FRMD4B: variants seen among roughly 807,000 people sequenced by gnomAD.
FRMD4B encodes the protein FERM domain containing 4B, also known as FERM domain-containing protein 4B.
A neutral mutation model predicts 141.5 loss-of-function variants in FRMD4B; 74 were observed. The observed-to-expected ratio is 0.52, with a 90% CI of 0.43 to 0.63. The LOEUF is 0.63. FRMD4B is among the 30% of genes least tolerant of loss of function. The probability of loss-of-function intolerance (pLI) is 0.00; values close to 1 mark genes in which losing one functional copy is unlikely to be tolerated. For missense variants in FRMD4B, 1,366 were observed against 1,253.4 expected, an observed-to-expected ratio of 1.09 and a Z score of -1.36; for synonymous variants, 506 against 467.9, an observed-to-expected ratio of 1.08 and a Z score of -1.05.
intron 1 of FRMD4B, among the ~76,000 whole-genome samples, chr3:69,381,803 T>C (rs1040299032): frequency 2.0e-5 from 3 of 152,238 alleles, no homozygotes; most frequent in Admixed American, 6.5e-5. Flanking sequence ...TTTGATATTC[T>C]AATGATGCAG....
chr3:69,377,500 G>A (rs550192048), intron 1 of FRMD4B, among the ~76,000 whole-genome samples: 5 of 152,202 alleles, frequency 3.3e-5, no homozygotes, highest in Non-Finnish European at 7.3e-5. Context: ...GGAGGCACCC[G>A]TAGAAGGTGC....
chr3:69,277,443 G>C, intron 5 of FRMD4B, among the ~76,000 whole-genome samples: 1 of 150,044 alleles, frequency 6.7e-6, no homozygotes, highest in East Asian at 2.0e-4. Context: ...GGAGGCTTAT[G>C]GTCATCTTTT....
At chr3:69,505,412 G>C (rs1246249311) in intron 1 of FRMD4B, among the ~76,000 whole-genome samples, 1 of 151,838 alleles carries the variant, frequency 6.6e-6, no homozygotes, top group Non-Finnish European at 1.5e-5. Flanking sequence ...GGAAACAAAA[G>C]GAAATAAACA....
At chr3:69,438,586 T>C (rs940569271) in intron 1 of FRMD4B, among the ~76,000 whole-genome samples, 1 of 152,282 alleles carries the variant, frequency 6.6e-6, no homozygotes, top group East Asian at 1.9e-4. Context: ...ATTTCAATAC[T>C]TGGAAGGCAG....
chr3:69,464,080 A>G (rs1705746059), intron 1 of FRMD4B, among the ~76,000 whole-genome samples: 1 of 152,220 alleles, frequency 6.6e-6, no homozygotes, highest in African/African-American at 2.4e-5. Context: ...ATTCAAACAT[A>G]TTTATGGGGC....
At chr3:69,241,254 G>A (rs79688332) in intron 7 of FRMD4B, among the ~76,000 whole-genome samples, 2,732 of 152,276 alleles carry the variant, frequency 0.018, 65 homozygotes, top group African/African-American at 0.061. Flanking sequence ...AAATGCAGAA[G>A]CCTGACTCCT....
At chr3:69,239,680 G>A (rs2106692812) in intron 7 of FRMD4B, among the ~76,000 whole-genome samples, 1 of 152,272 alleles carries the variant, frequency 6.6e-6, no homozygotes, top group East Asian at 1.9e-4. Flanking sequence ...GCCATGGACT[G>A]CGGGAGGAGT....
At chr3:69,278,467 T>A (rs965949693) in intron 5 of FRMD4B, among the ~76,000 whole-genome samples, 6 of 151,986 alleles carry the variant, frequency 3.9e-5, no homozygotes, top group Non-Finnish European at 8.8e-5. Context: ...TTGGCTATTT[T>A]AAAAATTTTC....
intron 1 of FRMD4B, among the ~76,000 whole-genome samples, chr3:69,480,722 C>T (rs1706105516): frequency 6.6e-6 from 1 of 152,236 alleles, no homozygotes; most frequent in Non-Finnish European, 1.5e-5. Flanking sequence ...GCTGGGAGAA[C>T]CACTGCTCTC....
chr3:69,441,285 AG>A (rs1349301214), intron 1 of FRMD4B, among the ~76,000 whole-genome samples: 2 of 152,144 alleles, frequency 1.3e-5, no homozygotes, highest in African/African-American at 4.8e-5. Context: ...TAGTCAAGTG[AG>A]GCAGTGAGAG....
chr3:69,510,757 A>G (rs1178706464), intron 1 of FRMD4B, among the ~76,000 whole-genome samples: 1 of 152,192 alleles, frequency 6.6e-6, no homozygotes, highest in Admixed American at 6.5e-5. Context: ...GACCACCCAC[A>G]TTTACACTAA....
At chr3:69,368,410 A>G (rs1703729061) in intron 1 of FRMD4B, among the ~76,000 whole-genome samples, 1 of 152,240 alleles carries the variant, frequency 6.6e-6, no homozygotes, top group South Asian at 2.1e-4. Flanking sequence ...ATTAGACAGC[A>G]GTAAATAATG....
intron 17 of FRMD4B, among the ~76,000 whole-genome samples, chr3:69,192,840 C>A (rs1207913568): frequency 1.3e-5 from 2 of 149,896 alleles, no homozygotes; most frequent in Non-Finnish European, 3.0e-5. Flanking sequence ...TTTTTTGAGG[C>A]AGGGTCTTGC....
intron 1 of FRMD4B, among the ~76,000 whole-genome samples, chr3:69,503,265 G>A (rs931576275): frequency 2.6e-5 from 4 of 152,196 alleles, no homozygotes; most frequent in African/African-American, 9.6e-5. Context: ...ATTCACAATA[G>A]CAAAGACTTG....
intron 2 of FRMD4B, among the ~76,000 whole-genome samples, chr3:69,422,315 C>A (rs1018604611): frequency 6.6e-6 from 1 of 151,470 alleles, no homozygotes; most frequent in East Asian, 1.9e-4. Flanking sequence ...ATTGCTTGAA[C>A]CCGGGAGGTT....
At chr3:69,440,428 C>CATT (rs1705326062) in intron 1 of FRMD4B, among the ~76,000 whole-genome samples, 3 of 152,200 alleles carry the variant, frequency 2.0e-5, no homozygotes, top group African/African-American at 7.2e-5. Context: ...TACCCTTCAC[C>CATT]AGTAATACTG....
chr3:69,375,307 A>ATCCATCCATCCATCCATCCT (rs1553732604), intron 1 of FRMD4B, among the ~76,000 whole-genome samples: 5 of 149,178 alleles, frequency 3.4e-5, no homozygotes, highest in African/African-American at 1.3e-4. Flanking sequence ...CCATCCATCC[A>ATCCATCCATCCATCCATCCT]TCCTTCCTTC....
At chr3:69,310,193 G>T (rs75418154) in intron 3 of FRMD4B, among the ~76,000 whole-genome samples, 1,590 of 152,210 alleles carry the variant, frequency 0.01, 19 homozygotes, top group African/African-American at 0.036. Context: ...TTTTTGCCCA[G>T]TGCAAGTCCT....
At chr3:69,196,229 C>A in intron 14 of FRMD4B, 26 bp downstream of exon 14, 1 of 1,539,666 alleles carries the variant, frequency 6.5e-7, no homozygotes, top group Non-Finnish European at 8.7e-7. Flanking sequence ...AGATGGCTTG[C>A]ACGTTCTCTA....
Sources: gnomAD v4.1 joint callset for allele counts (sites outside exome capture counted in the v4.1 genomes callset) on GRCh38, gnomAD v4.1.1 for gene constraint, MANE v1.5 for transcripts, NCBI Gene and HGNC (gene_info 2026-07-23, HGNC 2026-07-21) for gene names.